Variants in GRID2 observed in about 807,000 individuals in gnomAD.
The protein encoded by GRID2 is glutamate ionotropic receptor delta type subunit 2.
Under a neutral mutation model 114.8 loss-of-function variants are expected in GRID2, and 33 were observed. The observed-to-expected ratio is 0.29, with a 90% CI of 0.22 to 0.38. GRID2 has a LOEUF of 0.38. GRID2 is among the 10% of genes least tolerant of loss of function. GRID2 has a pLI of 1.00. For missense variants in GRID2, 1,184 were observed against 1,257.7 expected (o/e 0.94, Z 0.89); for synonymous variants, 505 against 449.9 (o/e 1.12, Z -1.55).
intron 14 of GRID2, among the ~76,000 whole-genome samples, chr4:93,729,590 G>A (rs1730290987): frequency 6.6e-6 from 1 of 151,476 alleles, no homozygotes; most frequent in South Asian, 2.1e-4. Flanking sequence ...TTGTTGCACA[G>A]GCTGGAGTGC....
At chr4:92,416,625 T>C (rs982782237) in intron 1 of GRID2, among the ~76,000 whole-genome samples, 2 of 152,196 alleles carry the variant, frequency 1.3e-5, no homozygotes, top group African/African-American at 2.4e-5. Flanking sequence ...TACATGTGGT[T>C]TGTCAATTAT....
At chr4:92,337,621 C>G (rs574794484) in intron 1 of GRID2, among the ~76,000 whole-genome samples, 2 of 152,274 alleles carry the variant, frequency 1.3e-5, no homozygotes, top group East Asian at 3.9e-4. Context: ...AAGAGAGGAG[C>G]TACCAAACAC....
intron 2 of GRID2, among the ~76,000 whole-genome samples, chr4:92,776,607 T>C (rs1015263254): frequency 6.6e-6 from 1 of 152,050 alleles, no homozygotes; most frequent in Non-Finnish European, 1.5e-5. Context: ...TTAACTTTTA[T>C]AATTAAAGAT....
At chr4:93,000,330 G>C (rs1467956621) in intron 2 of GRID2, among the ~76,000 whole-genome samples, 3 of 151,610 alleles carry the variant, frequency 2.0e-5, no homozygotes. Flanking sequence ...TCTGACATCA[G>C]ATTTTCAAAA....
chr4:92,920,238 TATCTCTG>T, intron 2 of GRID2, among the ~76,000 whole-genome samples: 1 of 152,330 alleles, frequency 6.6e-6, no homozygotes, highest in South Asian at 2.1e-4. Context: ...AGCCTGTGTG[TATCTCTG>T]CACGTGAGAT....
intron 14 of GRID2, among the ~76,000 whole-genome samples, chr4:93,758,577 C>T (rs1357310336): frequency 6.6e-6 from 1 of 152,118 alleles, no homozygotes; most frequent in African/African-American, 2.4e-5. Context: ...CAAAAAGTAT[C>T]CTTCTTAATC....
chr4:92,561,916 T>C, intron 1 of GRID2, among the ~76,000 whole-genome samples: 1 of 152,206 alleles, frequency 6.6e-6, no homozygotes, highest in Non-Finnish European at 1.5e-5. Flanking sequence ...CTGGTGGTGC[T>C]GTGACTATGA....
intron 1 of GRID2, among the ~76,000 whole-genome samples, chr4:92,429,327 C>T (rs1579343725): frequency 6.6e-6 from 1 of 152,184 alleles, no homozygotes; most frequent in Non-Finnish European, 1.5e-5. Flanking sequence ...TTAGATCTCA[C>T]ATGAGTGAGA....
chr4:93,087,759 C>T (rs1290607485), intron 3 of GRID2, among the ~76,000 whole-genome samples: 6 of 152,104 alleles, frequency 3.9e-5, no homozygotes, highest in Admixed American at 3.9e-4. Context: ...CAGTAATGCC[C>T]TTGTTTAATG....
chr4:93,268,881 G>A (rs528449242), intron 8 of GRID2, among the ~76,000 whole-genome samples: 244 of 152,120 alleles, frequency 1.6e-3, no homozygotes, highest in Admixed American at 4.4e-3. Flanking sequence ...GGTAGCCCAC[G>A]GCCAATTATG....
chr4:92,456,033 A>G (rs891688342), intron 1 of GRID2, among the ~76,000 whole-genome samples: 1 of 152,178 alleles, frequency 6.6e-6, no homozygotes, highest in Admixed American at 6.6e-5. Context: ...CGATATGTCA[A>G]AAATTTAGAA....
intron 2 of GRID2, among the ~76,000 whole-genome samples, chr4:92,958,032 G>A (rs1012115495): frequency 6.6e-6 from 1 of 151,968 alleles, no homozygotes; most frequent in East Asian, 1.9e-4. Context: ...TCACTTGTTA[G>A]TTTCAGGAAC....
rs768992597 is a variant in GRID2, at chr4:92,990,283, G to GTATATATA, written c.245-94711_245-94710insATATATAT. Among the ~76,000 whole-genome samples the GTATATATA allele has an allele frequency of 1.5e-3, 73 of 49,124 alleles. 1 individual carries two copies. The highest frequency in any genetic ancestry group is 7.5e-3 in the East Asian group (17 of 2,280). The allele number at this position is 49,124 out of a possible 152,430, so 32.2% of individuals were successfully genotyped here. A position where few individuals can be genotyped will look rare whatever the true frequency, so the allele number is the denominator to read the frequency against. On this transcript the variant is annotated intron_variant, in intron 2 of 15. Transcript: ENST00000282020. ...TATATATATATGTACGTAGATATGT[G>GTATATATA]TGTGTATATATATATATATATATGT...
chr4:93,798,872 T>C (rs1734861739), intron 1 of GRID2, among the ~76,000 whole-genome samples: 1 of 152,170 alleles, frequency 6.6e-6, no homozygotes, highest in Non-Finnish European at 1.5e-5. Context: ...AGTGCTCTTA[T>C]TATGCAGCAC....
At position 92,616,214 on chromosome 4, in the gene GRID2, T is replaced by C. The variant is rs558466142; in HGVS notation, c.244+25928T>C. On this transcript the variant is annotated intron_variant, in intron 2 of 15. Coordinates refer to ENST00000282020, the MANE Select transcript of GRID2 (RefSeq NM_001510.4). Reference sequence around the variant, plus strand: ...TTTTAAAATGTGGTAATATTGTGATTTCACCTTCAATTTTGAAGGATAGTT... The same window carrying C: ...TTTTAAAATGTGGTAATATTGTGATCTCACCTTCAATTTTGAAGGATAGTT... 3.3e-5 allele frequency among the ~76,000 whole-genome samples: 5 copies of C among 151,722 alleles called. 1 individual carries two copies. The South Asian group carries it at 1.0e-3, about 31-fold the overall frequency.
chr4:92,928,172 C>T (rs1463355574), intron 2 of GRID2, among the ~76,000 whole-genome samples: 1 of 151,668 alleles, frequency 6.6e-6, no homozygotes, highest in African/African-American at 2.4e-5. Flanking sequence ...GAAAAACCAC[C>T]AGTCTATTTT....
At chr4:92,943,167 TC>T (rs1295736490) in intron 2 of GRID2, among the ~76,000 whole-genome samples, 9 of 152,206 alleles carry the variant, frequency 5.9e-5, no homozygotes, top group Non-Finnish European at 1.0e-4. Flanking sequence ...CAGGGTGTTT[TC>T]CAGCTGGGTT....
At chr4:92,740,690 T>TGATAGATAGATA (rs71579576) in intron 2 of GRID2, among the ~76,000 whole-genome samples, 4 of 121,224 alleles carry the variant, frequency 3.3e-5, no homozygotes, top group African/African-American at 6.1e-5. Flanking sequence ...GATAGATAGA[T>TGATAGATAGATA]GATAGATAGA....
intron 1 of GRID2, among the ~76,000 whole-genome samples, chr4:92,350,092 A>G (rs1727989435): frequency 2.0e-5 from 3 of 151,916 alleles, no homozygotes; most frequent in Admixed American, 2.0e-4. Flanking sequence ...CAGTGCTCAC[A>G]ACCTTTTCAT....
Sources: allele counts gnomAD v4.1 joint callset (sites outside exome capture counted in the v4.1 genomes callset), GRCh38; gene constraint gnomAD v4.1.1; transcripts MANE v1.5; gene names NCBI Gene and HGNC (gene_info 2026-07-23, HGNC 2026-07-21).